The following PIEZO2 variants were observed in gnomAD, a reference collection of about 807,000 sequenced individuals.
PIEZO2 encodes piezo type mechanosensitive ion channel component 2, also known as piezo-type mechanosensitive ion channel component 2.
A neutral mutation model predicts 337.3 loss-of-function variants in PIEZO2; 172 were observed. The ratio of observed to expected loss-of-function variants is 0.51; its 90% CI spans 0.45 to 0.58. PIEZO2 has a LOEUF of 0.58. PIEZO2 is among the 20% of genes least tolerant of loss of function. PIEZO2 has a pLI of 0.00. For synonymous variants in PIEZO2, 1,251 were observed against 1,228.5 expected, an observed-to-expected ratio of 1.02 and a Z score of -0.38; for missense variants, 3,028 against 3,391.3, an observed-to-expected ratio of 0.89 and a Z score of 2.66.
Position 10,759,916 on chromosome 18 carries a change from A to G in PIEZO2, c.3451-7T>C. ...CTGACATTAGGAAACAGGTCTGTGTAAAGATGAAAAGAGGCAAAAAAAAAA... is the reference window on the plus strand; with the variant it reads ...CTGACATTAGGAAACAGGTCTGTGTGAAGATGAAAAGAGGCAAAAAAAAAA... On this transcript the variant is annotated splice_region_variant and splice_polypyrimidine_tract_variant and intron_variant, in intron 24 of 55. Coordinates refer to ENST00000674853, the MANE Select transcript of PIEZO2 (RefSeq NM_001378183.1). This position sits in a 1 kb window ranked among gnomAD's most constrained non-coding sequence, Gnocchi z 5.5. 6.5e-7 allele frequency: 1 copy of G among 1,533,172 alleles called. No homozygotes were observed. Among genetic ancestry groups the G allele is most frequent in the Non-Finnish European group, 8.7e-7 (1 of 1,143,414 alleles). 95.0% of individuals were successfully genotyped at this position (1,533,172 alleles called of 1,614,324 possible). A position where few individuals can be genotyped will look rare whatever the true frequency, so the allele number is the denominator to read the frequency against.
intron 7 of PIEZO2, among the ~76,000 whole-genome samples, chr18:10,841,007 A>G (rs2041173329): frequency 6.6e-6 from 1 of 152,216 alleles, no homozygotes; most frequent in African/African-American, 2.4e-5. Context: ...TGTGTTTGCC[A>G]GCATCGTGAT....
chr18:10,678,310 G>A (rs1286446978), intron 52 of PIEZO2, among the ~76,000 whole-genome samples: 8 of 152,106 alleles, frequency 5.3e-5, no homozygotes, highest in African/African-American at 1.9e-4. Flanking sequence ...GTTTTTAGTA[G>A]CTCTTTAAAG....
intron 1 of PIEZO2, among the ~76,000 whole-genome samples, chr18:11,118,648 T>A (rs1463789561): frequency 1.3e-5 from 2 of 152,192 alleles, no homozygotes; most frequent in African/African-American, 4.8e-5. Context: ...AAAAATAATT[T>A]CCTAAGGATA....
chr18:10,875,135 T>G (rs2042237631), intron 4 of PIEZO2, among the ~76,000 whole-genome samples: 2 of 152,242 alleles, frequency 1.3e-5, no homozygotes, highest in South Asian at 4.1e-4. Flanking sequence ...AACTGTCCTG[T>G]GAAAGCTTAA....
In PIEZO2 at chr18:10,775,649, G is replaced by A. The variant is rs1465013632; in HGVS notation, c.2535-1611C>T. Among the ~76,000 whole-genome samples the A allele has an allele frequency of 5.3e-5, 8 of 152,212 alleles. No individual in the cohort carries two copies. The highest frequency in any genetic ancestry group is 4.4e-5 in the Non-Finnish European group (3 of 68,044). On this transcript the variant is annotated intron_variant, in intron 18 of 55. Transcript: ENST00000674853. This position sits in a 1 kb window ranked among gnomAD's most constrained non-coding sequence, Gnocchi z 4.3. ...ACAGCAGATGTCCTTAAGCAACGAT[G>A]CCCCCAAACTGCCATGCCACAGGCA...
At chr18:11,042,375 GCACTTCATA>G (rs1489328797) in intron 2 of PIEZO2, among the ~76,000 whole-genome samples, 3 of 152,192 alleles carry the variant, frequency 2.0e-5, no homozygotes, top group Non-Finnish European at 2.9e-5. Context: ...ATGGCCATGT[GCACTTCATA>G]CACACAGTCC....
rs1172825804 is a variant in PIEZO2 at position 11,016,406 on chromosome 18, A to G, written c.161-36746T>C. ...AAGGAGGCTGGAGGGCACTGACAACACAGAGGAACCAAAACCCAGACAATT... is the reference window on the plus strand; with the variant it reads ...AAGGAGGCTGGAGGGCACTGACAACGCAGAGGAACCAAAACCCAGACAATT... On this transcript the variant is annotated intron_variant, in intron 2 of 55. Coordinates refer to ENST00000674853, the MANE Select transcript of PIEZO2 (RefSeq NM_001378183.1). The surrounding 1 kb of genome is among the most constrained non-coding windows in gnomAD (Gnocchi z 5.6). Among the ~76,000 whole-genome samples, 2 of 152,190 alleles carry G rather than the reference A, an allele frequency of 1.3e-5. No individual in the cohort carries two copies. Among genetic ancestry groups the G allele is most frequent in the African/African-American group, 4.8e-5 (2 of 41,452 alleles).
At chr18:10,691,065 A>G (rs1388156433) in intron 48 of PIEZO2, among the ~76,000 whole-genome samples, 160 bp downstream of exon 48, 1 of 152,224 alleles carries the variant, frequency 6.6e-6, no homozygotes, top group Non-Finnish European at 1.5e-5. Context: ...AAAGGTGTTT[A>G]AAGAGGCATA....
chr18:10,788,062 C>T (rs946859982), intron 15 of PIEZO2, among the ~76,000 whole-genome samples: 11 of 152,122 alleles, frequency 7.2e-5, no homozygotes, highest in South Asian at 4.1e-4. Context: ...GAATACTCTA[C>T]GACTTCAGAT....
rs559580610 is a variant in PIEZO2, at chr18:10,837,912, C to T, written c.917+17441G>A. Among the ~76,000 whole-genome samples, 9 of 152,012 alleles carry T rather than the reference C, an allele frequency of 5.9e-5. No homozygotes were observed. The highest frequency in any genetic ancestry group is 2.2e-4 in the African/African-American group (9 of 41,372). ...GATTACTGGTGCCTGCCACCATGCC[C>T]GGCTAATTTTTGTATTTTTAGTAGA... On this transcript the variant is annotated intron_variant, in intron 7 of 55. Transcript: ENST00000674853. This position sits in a 1 kb window ranked among gnomAD's most constrained non-coding sequence, Gnocchi z 4.4.
In PIEZO2 at chr18:11,102,618, C is replaced by T. The variant is rs2039453920; in HGVS notation, c.65-36396G>A. On this transcript the variant is annotated intron_variant, in intron 1 of 55. Transcript: ENST00000674853. This position sits in a 1 kb window ranked among gnomAD's most constrained non-coding sequence, Gnocchi z 5.7. ...TTGGATCATCTCTGACACTTGCTCT[C>T]CCCTGGTGTCTTTGGAGCACCCCAC... Among the ~76,000 whole-genome samples the T allele has an allele frequency of 6.6e-6, 1 of 152,194 alleles. No individual in the cohort carries two copies. Among genetic ancestry groups the T allele is most frequent in the Non-Finnish European group, 1.5e-5 (1 of 68,034 alleles).
In PIEZO2 at chr18:10,927,947, A is replaced by C. The variant is rs374896905; in HGVS notation, c.287-16719T>G. On this transcript the variant is annotated intron_variant, in intron 3 of 55. Transcript: ENST00000674853. ...TGTGTAGAAAGAGGGCAGGAGACCA[A>C]ACCCAAAGAACTTAGACGTGGATTA... Among the ~76,000 whole-genome samples, 47 of 152,092 alleles carry C rather than the reference A, an allele frequency of 3.1e-4. No homozygotes were observed. In the East Asian group the frequency reaches 3.5e-3, roughly 11 times the overall value.
chr18:10,684,187 A>T (rs1598351718), intron 49 of PIEZO2, among the ~76,000 whole-genome samples: 1 of 80,002 alleles, frequency 1.2e-5, no homozygotes, highest in African/African-American at 5.4e-5. Context: ...TTTTTTTGAG[A>T]CGGAGTCTTG....
At chr18:11,091,295 A>T (rs2039080299) in intron 1 of PIEZO2, among the ~76,000 whole-genome samples, 1 of 151,676 alleles carries the variant, frequency 6.6e-6, no homozygotes, top group East Asian at 1.9e-4. Flanking sequence ...GAGGTAGGAG[A>T]ATCACTTGAC....
chr18:10,678,052 G>C (rs1028823144), intron 52 of PIEZO2, among the ~76,000 whole-genome samples, 177 bp from the exon 53 acceptor site: 1 of 152,106 alleles, frequency 6.6e-6, no homozygotes, highest in East Asian at 1.9e-4. Context: ...TTAGACAATC[G>C]AGTTAATAGA....
intron 27 of PIEZO2, among the ~76,000 whole-genome samples, chr18:10,754,137 C>T (rs1449783938): frequency 1.3e-5 from 2 of 152,248 alleles, no homozygotes; most frequent in Admixed American, 6.5e-5. Context: ...CACACCTTGG[C>T]ACTGAACCCA....
chr18:11,016,296 G>A lies in PIEZO2; in HGVS notation c.161-36636C>T, dbSNP rs1226217712. On this transcript the variant is annotated intron_variant, in intron 2 of 55. Coordinates refer to ENST00000674853, the MANE Select transcript of PIEZO2 (RefSeq NM_001378183.1). The surrounding 1 kb of genome is among the most constrained non-coding windows in gnomAD (Gnocchi z 5.6). ...GGGATGACTGTGGGCAGAATCACAGGAGAGACACAGAATGTGGCGGTAGAG... is the reference window on the plus strand; with the variant it reads ...GGGATGACTGTGGGCAGAATCACAGAAGAGACACAGAATGTGGCGGTAGAG... Among the ~76,000 whole-genome samples the A allele has an allele frequency of 6.6e-6, 1 of 152,198 alleles. No homozygotes were observed. The highest frequency in any genetic ancestry group is 1.5e-5 in the Non-Finnish European group (1 of 68,034).
intron 2 of PIEZO2, among the ~76,000 whole-genome samples, chr18:10,999,032 G>A (rs1488698756): frequency 6.6e-6 from 1 of 151,920 alleles, no homozygotes; most frequent in African/African-American, 2.4e-5. Flanking sequence ...ATTTAAATGT[G>A]GCATGCAAAT....
At chr18:10,725,312 G>A in intron 36 of PIEZO2, 1 of 1,587,356 alleles carries the variant, frequency 6.3e-7, no homozygotes, top group South Asian at 1.1e-5. Flanking sequence ...AGCAGAAGGA[G>A]GGCTGCGTCG....
Sources: allele counts gnomAD v4.1 joint callset (sites outside exome capture counted in the v4.1 genomes callset), GRCh38; gene constraint gnomAD v4.1.1; non-coding constraint Gnocchi (gnomAD v3.1); transcripts MANE v1.5; gene names NCBI Gene and HGNC (gene_info 2026-07-23, HGNC 2026-07-21).